HEXD: variants seen among roughly 807,000 people sequenced by gnomAD.
The protein encoded by HEXD is N-acetyl-beta-galactosaminidase.
In HEXD, 47 loss-of-function variants were observed where a neutral mutation model predicts 54.2. That is an observed-to-expected ratio of 0.87 (90% CI 0.69 to 1.11). HEXD has a LOEUF of 1.11. Among genes scored for constraint, HEXD ranks in the 50% least tolerant of loss-of-function variants. HEXD has a pLI of 0.00. For missense variants in HEXD, 576 were observed against 649.2 expected, an observed-to-expected ratio of 0.89 and a Z score of 1.23; for synonymous variants, 293 against 287.6, an observed-to-expected ratio of 1.02 and a Z score of -0.19.
rs2054001871 is a variant in HEXD, at chr17:82,442,112, G to A, written c.1254-65G>A. The A allele has an allele frequency of 6.5e-7, 1 of 1,547,756 alleles. No homozygotes were observed. Among genetic ancestry groups the A allele is most frequent in the Non-Finnish European group, 8.7e-7 (1 of 1,144,924 alleles). ...GTGAACTGAGGCACAGGGCAGTACT[G>A]ACCATGGGGCTGAGGGCAAGTCCCA... On this transcript the variant is annotated intron_variant, in intron 12 of 12. Transcript: ENST00000327949. This position sits in a 1 kb window ranked among gnomAD's most constrained non-coding sequence, Gnocchi z 6.8.
chr17:82,426,558 A>G (rs2053419917), intron 3 of HEXD: 2 of 152,300 alleles, frequency 1.3e-5, no homozygotes, highest in African/African-American at 2.4e-5. Flanking sequence ...AACCTGGGCA[A>G]CAGAGCCAGA....
intron 6 of HEXD, 83 bp from the exon 7 acceptor site, chr17:82,436,579 CTTTCA>C (rs994876426): frequency 1.3e-4 from 147 of 1,128,108 alleles, no homozygotes; most frequent in Middle Eastern, 7.9e-4. Flanking sequence ...TGTGCTCACA[CTTTCA>C]AGCAAAACGA....
chr17:82,440,301 C>T, intron 9 of HEXD: 1 of 1,266,430 alleles, frequency 7.9e-7, no homozygotes, highest in Non-Finnish European at 1.0e-6. Context: ...GCGGGACCCG[C>T]AGGCGCGGCG....
chr17:82,435,321 T>C (rs1417017322), intron 5 of HEXD, among the ~76,000 whole-genome samples: 1 of 151,986 alleles, frequency 6.6e-6, no homozygotes, highest in African/African-American at 2.4e-5. Flanking sequence ...AGTCACACAG[T>C]GTATGACCTG....
intron 9 of HEXD, chr17:82,440,305 C>A (rs1421873550): frequency 7.9e-7 from 1 of 1,262,826 alleles, no homozygotes; most frequent in Admixed American, 2.5e-5. Flanking sequence ...GACCCGCAGG[C>A]GCGGCGGCCC....
chr17:82,424,327 G>GCTGTGGACTTGCCA, intron 2 of HEXD, 67 bp from the exon 3 acceptor site: 4 of 992,300 alleles, frequency 4.0e-6, no homozygotes, highest in Non-Finnish European at 6.5e-6. Flanking sequence ...GCGTCTCCCT[G>GCTGTGGACTTGCCA]CTGTGGACTT....
At chr17:82,425,967 A>G (rs1201860642) in intron 3 of HEXD, 1 of 152,278 alleles carries the variant, frequency 6.6e-6, no homozygotes, top group Non-Finnish European at 1.5e-5. Context: ...AGCCATGGAT[A>G]GTGGCATGGG....
chr17:82,441,122 C>T (rs764725476), intron 10 of HEXD, 43 bp from the exon 11 acceptor site: 2 of 1,613,510 alleles, frequency 1.2e-6, no homozygotes, highest in Non-Finnish European at 1.7e-6. Context: ...CCTCCCCTTC[C>T]CCCGCCCGTG....
chr17:82,440,086 C>G lies in HEXD; in HGVS notation c.982+373C>G, dbSNP rs542343338. ...TCAGGCGCCCGGCCCTGGAAGGCCC[C>G]GCACCCTGGACCCAGCACTCACACT... On this transcript the variant is annotated intron_variant, in intron 9 of 12. Coordinates refer to ENST00000327949, the MANE Select transcript of HEXD (RefSeq NM_001330542.2). The G allele has an allele frequency of 5.5e-5, 71 of 1,299,300 alleles. 1 individual carries two copies. The African/African-American group carries it at 9.2e-4, about 17-fold the overall frequency. The allele number at this position is 1,299,300 out of a possible 1,614,324, so 80.5% of individuals were successfully genotyped here. A position where few individuals can be genotyped will look rare whatever the true frequency, so the allele number is the denominator to read the frequency against.
In HEXD at chr17:82,437,253, G is replaced by T. The variant is rs2053796956; in HGVS notation, c.789G>T (p.Gln263His). 1 of 1,611,966 alleles carries T rather than the reference G, an allele frequency of 6.2e-7. No individual in the cohort carries two copies. Among genetic ancestry groups the T allele is most frequent in the Non-Finnish European group, 8.5e-7 (1 of 1,179,338 alleles). ...SAFKGATGPS[Q>H]AVPPVEHHLR... The stretch of plus-strand genomic sequence containing the variant: ...TCAAGGGTGCCACGGGGCCCAGCCA[G>T]GCCGTGCCCCCTGTTGAGCACCACC... Residue 263 changes from glutamine to histidine, a missense_variant, in exon 8 of 13, where the codon CAG (glutamine) becomes CAT (histidine). By Grantham distance (24) the Gln-to-His change is conservative (BLOSUM62 0). Transcript: ENST00000327949.
chr17:82,436,237 C>T (rs1027005409), intron 6 of HEXD, among the ~76,000 whole-genome samples: 2 of 152,228 alleles, frequency 1.3e-5, no homozygotes, highest in East Asian at 1.9e-4. Flanking sequence ...AGCTGCTGAG[C>T]GCCTTTCTGG....
intron 2 of HEXD, 197 bp downstream of exon 2, chr17:82,420,080 AG>A (rs2053186195): frequency 7.9e-6 from 3 of 377,992 alleles, no homozygotes; most frequent in Admixed American, 9.1e-5. Context: ...GGATGACAAA[AG>A]GGAAAAAAAA....
chr17:82,440,210 G>A, intron 9 of HEXD: 1 of 1,289,704 alleles, frequency 7.8e-7, no homozygotes, highest in Non-Finnish European at 1.0e-6. Context: ...AGCTGTGTGT[G>A]TGGAAACTCG....
At chr17:82,441,548 G>A (rs1027558030) in intron 11 of HEXD, among the ~76,000 whole-genome samples, 48 of 143,740 alleles carry the variant, frequency 3.3e-4, no homozygotes, top group African/African-American at 1.2e-3. Context: ...AAGCGGGAAG[G>A]CATGGGGCAG....
At chr17:82,433,128 A>AT (rs758489285) in intron 4 of HEXD, among the ~76,000 whole-genome samples, 312 of 13,064 alleles carry the variant, frequency 0.024, 40 homozygotes, top group Non-Finnish European at 0.03. Flanking sequence ...ATATATATAT[A>AT]TTTTTTTTTT....
Position 82,418,441 on chromosome 17 carries a change from G to A in HEXD, c.-351G>A. ...TCCGGTTCCGGCGCTCGGCCGCTCC[G>A]TTGCCCTCGGGCGCCTTGGTTGCGG... is the stretch of plus-strand genomic sequence containing the variant. On this transcript the variant is annotated 5_prime_UTR_variant, in exon 1 of 13. Coordinates refer to ENST00000327949, the MANE Select transcript of HEXD (RefSeq NM_001330542.2). 2 of 1,477,418 alleles carry A rather than the reference G, an allele frequency of 1.4e-6. No homozygotes were observed. Among genetic ancestry groups the A allele is most frequent in the Admixed American group, 2.3e-5 (1 of 44,038 alleles). The allele number at this position is 1,477,418 out of a possible 1,614,324, so 91.5% of individuals were successfully genotyped here.
At chr17:82,432,409 C>G (rs990930332) in intron 4 of HEXD, among the ~76,000 whole-genome samples, 4 of 152,208 alleles carry the variant, frequency 2.6e-5, no homozygotes, top group Admixed American at 6.5e-5. Flanking sequence ...ACAGCGCCCC[C>G]ACAAGGGGTG....
rs1473968048 is a variant in HEXD at position 82,424,391 on chromosome 17, C to G, written c.85-3C>G. The G allele has an allele frequency of 6.2e-7, 1 of 1,610,298 alleles. No homozygotes were observed. Among genetic ancestry groups the G allele is most frequent in the Non-Finnish European group, 8.5e-7 (1 of 1,176,562 alleles). On this transcript the variant is annotated splice_region_variant and splice_polypyrimidine_tract_variant and intron_variant, in intron 2 of 12. Transcript: ENST00000327949. ...TCCTAACCCCTCCCTGTTTACCCCC[C>G]AGATTTTTCCTCTGTTCCGTGCGCT...
chr17:82,440,864 G>T, intron 9 of HEXD, 133 bp from the exon 10 acceptor site: 1 of 969,194 alleles, frequency 1.0e-6, no homozygotes, highest in Non-Finnish European at 1.6e-6. Context: ...CGGCACACGC[G>T]GGGCTGGGCC....
Sources: allele counts gnomAD v4.1 joint callset (sites outside exome capture counted in the v4.1 genomes callset), GRCh38; gene constraint gnomAD v4.1.1; non-coding constraint Gnocchi (gnomAD v3.1); transcripts MANE v1.5; gene names NCBI Gene and HGNC (gene_info 2026-07-23, HGNC 2026-07-21).